The following SUPT3H variants were observed in gnomAD, a reference collection of about 807,000 sequenced individuals.
SUPT3H encodes SPT3 homolog, SAGA and STAGA complex component.
Under a neutral mutation model 44.3 loss-of-function variants are expected in SUPT3H, and 44 were observed. The ratio of observed to expected loss-of-function variants is 0.99; its 90% CI spans 0.78 to 1.28. The LOEUF (loss-of-function observed/expected upper bound fraction) is 1.28, where lower values mean the gene tolerates loss of function less well. Among genes scored for constraint, SUPT3H ranks in the 50% most tolerant of loss-of-function variants. The probability of loss-of-function intolerance (pLI) is 0.00; values close to 1 mark genes in which losing one functional copy is unlikely to be tolerated. For synonymous variants in SUPT3H, 124 were observed against 125.6 expected, an observed-to-expected ratio of 0.99 and a Z score of 0.09; for missense variants, 380 against 387.1, an observed-to-expected ratio of 0.98 and a Z score of 0.15.
intron 10 of SUPT3H, among the ~76,000 whole-genome samples, chr6:44,930,250 G>T (rs956589766): frequency 1.3e-5 from 2 of 152,014 alleles, no homozygotes; most frequent in Admixed American, 1.3e-4. Context: ...GCGTGATGGC[G>T]GGTGCCTGTA....
chr6:44,910,719 C>T (rs1472208869), intron 10 of SUPT3H, among the ~76,000 whole-genome samples: 1 of 149,330 alleles, frequency 6.7e-6, no homozygotes, highest in Non-Finnish European at 1.5e-5. Flanking sequence ...GGGGGCCAGG[C>T]ATGGTGGCTC....
intron 2 of SUPT3H, among the ~76,000 whole-genome samples, chr6:45,321,115 A>G (rs1257943292): frequency 6.6e-6 from 1 of 152,106 alleles, no homozygotes; most frequent in Non-Finnish European, 1.5e-5. Flanking sequence ...ATCTTTTACC[A>G]TCTTCAATTT....
At chr6:44,887,990 C>G (rs1472658231) in intron 10 of SUPT3H, among the ~76,000 whole-genome samples, 2 of 152,240 alleles carry the variant, frequency 1.3e-5, no homozygotes, top group Non-Finnish European at 2.9e-5. Flanking sequence ...ACTACAAACA[C>G]CTCTACACAA....
At chr6:44,859,148 G>A (rs1774207331) in intron 10 of SUPT3H, among the ~76,000 whole-genome samples, 1 of 152,178 alleles carries the variant, frequency 6.6e-6, no homozygotes, top group Non-Finnish European at 1.5e-5. Context: ...CTGTTCTCAA[G>A]TTGCCTAGCC....
intron 3 of SUPT3H, among the ~76,000 whole-genome samples, chr6:45,040,352 A>G (rs986853959): frequency 6.6e-6 from 1 of 152,326 alleles, no homozygotes; most frequent in Admixed American, 6.5e-5. Flanking sequence ...ACTATAATGT[A>G]AAACAAAAAC....
chr6:45,224,371 T>G (rs538728316), intron 2 of SUPT3H, among the ~76,000 whole-genome samples: 2 of 152,288 alleles, frequency 1.3e-5, no homozygotes, highest in African/African-American at 4.8e-5. Context: ...TGTTTCTCAC[T>G]GTGTGGTTCT....
chr6:44,950,691 T>C (rs1774148402), intron 9 of SUPT3H, among the ~76,000 whole-genome samples: 1 of 152,088 alleles, frequency 6.6e-6, no homozygotes, highest in Non-Finnish European at 1.5e-5. Context: ...GTTCCTTATA[T>C]GGTTAGTGCT....
At chr6:45,205,062 C>G (rs1763019803) in intron 2 of SUPT3H, among the ~76,000 whole-genome samples, 1 of 152,100 alleles carries the variant, frequency 6.6e-6, no homozygotes, top group Non-Finnish European at 1.5e-5. Flanking sequence ...CTCGTAGATT[C>G]CAGTTTTATA....
At chr6:45,204,888 C>CA (rs1762991314) in intron 2 of SUPT3H, among the ~76,000 whole-genome samples, 1 of 152,158 alleles carries the variant, frequency 6.6e-6, no homozygotes, top group South Asian at 2.1e-4. Context: ...TCACTATTGT[C>CA]AGTTTAAAAC....
In SUPT3H at chr6:44,832,323, C is replaced by CTT. The variant is rs1331456907; in HGVS notation, c.913-2468_913-2467dup. ...CCAGAGGCCACATTCTCATGGAATA[C>CTT]TTTGTATCCCACTTACTTTCTTCTG... On this transcript the variant is annotated intron_variant, in intron 10 of 10. Transcript: ENST00000371459. 6.6e-5 allele frequency among the ~76,000 whole-genome samples: 10 copies of CTT among 152,278 alleles called. No homozygotes were observed. In the South Asian group the frequency reaches 1.9e-3, roughly 28 times the overall value.
At chr6:45,178,305 A>G (rs1381621410) in intron 2 of SUPT3H, among the ~76,000 whole-genome samples, 1 of 152,180 alleles carries the variant, frequency 6.6e-6, no homozygotes, top group Admixed American at 6.5e-5. Context: ...ACCAACAAAG[A>G]TCAAAAGAGA....
intron 6 of SUPT3H, among the ~76,000 whole-genome samples, chr6:44,964,850 G>A (rs1748579587): frequency 6.6e-6 from 1 of 152,128 alleles, no homozygotes; most frequent in Non-Finnish European, 1.5e-5. Flanking sequence ...AGAGATAGAA[G>A]GCAGCTTAAA....
chr6:44,980,878 T>TA (rs1167859980), intron 6 of SUPT3H, among the ~76,000 whole-genome samples: 1 of 152,206 alleles, frequency 6.6e-6, no homozygotes, highest in South Asian at 2.1e-4. Flanking sequence ...TAACCATGTC[T>TA]AATAACTGTC....
chr6:45,260,771 T>C (rs981904698), intron 2 of SUPT3H, among the ~76,000 whole-genome samples: 10 of 152,062 alleles, frequency 6.6e-5, no homozygotes, highest in African/African-American at 2.4e-4. Context: ...TAAAAGATCA[T>C]CTCTGAACAA....
In SUPT3H at chr6:44,829,791, T is replaced by C. The variant is rs1487117855; in HGVS notation, c.*25A>G. 1 of 1,611,060 alleles carries C rather than the reference T, an allele frequency of 6.2e-7. No homozygotes were observed. The highest frequency in any genetic ancestry group is 1.3e-5 in the African/African-American group (1 of 74,892). ...TAATATAACATTGCCTTTCCTGTTG[T>C]TGCAGGCACATCACAGTTGTCACAT... is the stretch of plus-strand genomic sequence containing the variant. On this transcript the variant is annotated 3_prime_UTR_variant, in exon 11 of 11. Transcript: ENST00000371459.
intron 2 of SUPT3H, among the ~76,000 whole-genome samples, chr6:45,193,703 C>A (rs150244900): frequency 5.1e-4 from 77 of 152,082 alleles, no homozygotes; most frequent in African/African-American, 1.8e-3. Context: ...GCAACAAGAG[C>A]AAAACTCCAT....
intron 10 of SUPT3H, among the ~76,000 whole-genome samples, chr6:44,837,249 G>A (rs576107970): frequency 7.9e-5 from 12 of 152,226 alleles, no homozygotes; most frequent in African/African-American, 2.9e-4. Flanking sequence ...TTCTCATTTC[G>A]CTTGAGTAAC....
intron 2 of SUPT3H, among the ~76,000 whole-genome samples, chr6:45,284,550 G>A (rs1313138891): frequency 6.6e-6 from 1 of 152,150 alleles, no homozygotes; most frequent in African/African-American, 2.4e-5. Context: ...CGAGGAAGAA[G>A]TTGAATCTCT....
chr6:44,930,606 T>C (rs2153460851), intron 10 of SUPT3H, among the ~76,000 whole-genome samples: 1 of 150,452 alleles, frequency 6.6e-6, no homozygotes, highest in African/African-American at 2.4e-5. Context: ...ATATTCACTC[T>C]TGTAGTGCGC....
Sources: allele counts gnomAD v4.1 joint callset (sites outside exome capture counted in the v4.1 genomes callset), GRCh38; gene constraint gnomAD v4.1.1; transcripts MANE v1.5; gene names NCBI Gene and HGNC (gene_info 2026-07-23, HGNC 2026-07-21).